PCDH15: variants seen among roughly 807,000 people sequenced by gnomAD.
The protein encoded by PCDH15 is protocadherin-15.
PCDH15 carries 129 observed loss-of-function variants against 178.5 expected under a neutral mutation model. That is an observed-to-expected ratio of 0.72 (90% CI 0.63 to 0.84). The LOEUF is 0.84. Among genes scored for constraint, PCDH15 ranks in the 40% least tolerant of loss-of-function variants. The probability of loss-of-function intolerance (pLI) is 0.00; values close to 1 mark genes in which losing one functional copy is unlikely to be tolerated. For missense variants in PCDH15, 2,230 were observed against 2,099.9 expected, an observed-to-expected ratio of 1.06 and a Z score of -1.21; for synonymous variants, 800 against 732.0, an observed-to-expected ratio of 1.09 and a Z score of -1.50.
At chr10:55,328,944 AT>A (rs1565015062) in intron 2 of PCDH15, among the ~76,000 whole-genome samples, 20 of 127,286 alleles carry the variant, frequency 1.6e-4, no homozygotes, top group South Asian at 2.5e-4. Flanking sequence ...ATATATATAT[AT>A]ATATAAAATA....
At chr10:54,603,304 TTTTA>T (rs1420359570) in intron 2 of PCDH15, among the ~76,000 whole-genome samples, 4 of 151,858 alleles carry the variant, frequency 2.6e-5, no homozygotes, top group Non-Finnish European at 5.9e-5. Flanking sequence ...GATGTGTCAG[TTTTA>T]TTTGTCTTTT....
chr10:54,290,821 G>T (rs1374835108), intron 8 of PCDH15, among the ~76,000 whole-genome samples: 4 of 152,300 alleles, frequency 2.6e-5, no homozygotes, highest in Non-Finnish European at 5.9e-5. Flanking sequence ...AATGGTTAAA[G>T]GGATCAATTC....
chr10:54,853,354 T>C (rs1292552085), intron 3 of PCDH15, among the ~76,000 whole-genome samples: 3 of 129,350 alleles, frequency 2.3e-5, no homozygotes, highest in Admixed American at 9.0e-5. Context: ...TACATATATA[T>C]ATACACACAC....
intron 2 of PCDH15, among the ~76,000 whole-genome samples, chr10:55,608,109 A>G (rs1483022915): frequency 1.3e-5 from 2 of 152,082 alleles, no homozygotes; most frequent in South Asian, 2.1e-4. Context: ...TGTAGAAGTA[A>G]TAATGGATTA....
chr10:54,725,864 T>C (rs1232885747), intron 1 of PCDH15, among the ~76,000 whole-genome samples: 1 of 149,950 alleles, frequency 6.7e-6, no homozygotes, highest in African/African-American at 2.5e-5. Flanking sequence ...TGCTGAATAA[T>C]TTCAAGTTGG....
Position 54,185,201 on chromosome 10 carries a change from C to T in PCDH15, c.1373G>A (p.Gly458Asp), listed in dbSNP as rs766969775. The change falls in exon 12 of 38, where the codon GGT (glycine) becomes GAT (aspartate). Residue 458 changes from glycine (G) to aspartate (D), a missense_variant. Transcript: ENST00000644397. ...YTSVFTVTQT[G>D]ITRYLTLLQP... ...AAGTAAGGTGAGGTAGCGAGTAATA[C>T]CAGTCTGTGTGACGGTGAAGACTGA... 1.9e-6 allele frequency: 3 copies of T among 1,613,520 alleles called. No homozygotes were observed. Among genetic ancestry groups the T allele is most frequent in the Admixed American group, 1.7e-5 (1 of 59,980 alleles).
chr10:55,469,696 G>T (rs911469567), intron 2 of PCDH15, among the ~76,000 whole-genome samples: 3 of 151,680 alleles, frequency 2.0e-5, no homozygotes, highest in Non-Finnish European at 4.4e-5. Flanking sequence ...TACTTAAGGG[G>T]TTTTCATTTA....
intron 2 of PCDH15, among the ~76,000 whole-genome samples, chr10:55,565,292 C>T (rs775848431): frequency 4.0e-5 from 6 of 151,292 alleles, no homozygotes; most frequent in South Asian, 4.2e-4. Context: ...ACAAGTATTT[C>T]GAAATAAATG....
chr10:54,449,938 G>A (rs942271658), intron 3 of PCDH15, among the ~76,000 whole-genome samples: 8 of 151,464 alleles, frequency 5.3e-5, no homozygotes, highest in Non-Finnish European at 1.2e-4. Flanking sequence ...GCCTCTTGCT[G>A]TTGACTTAAG....
chr10:55,096,583 A>G (rs1842454896), intron 2 of PCDH15, among the ~76,000 whole-genome samples: 1 of 152,134 alleles, frequency 6.6e-6, no homozygotes, highest in African/African-American at 2.4e-5. Flanking sequence ...TTAGGTCTCC[A>G]GAAATTGTTT....
intron 2 of PCDH15, among the ~76,000 whole-genome samples, chr10:55,152,019 G>A (rs373944707): frequency 1.3e-5 from 2 of 152,078 alleles, no homozygotes; most frequent in African/African-American, 4.8e-5. Context: ...AAGAGATGAG[G>A]GTAGATGTGG....
intron 8 of PCDH15, among the ~76,000 whole-genome samples, chr10:54,310,689 T>C (rs1049671237): frequency 2.0e-5 from 3 of 151,990 alleles, no homozygotes; most frequent in Non-Finnish European, 4.4e-5. Context: ...ATAATCCCTA[T>C]TTGAGGAAAA....
intron 3 of PCDH15, among the ~76,000 whole-genome samples, chr10:54,479,229 T>G (rs2078514756): frequency 6.6e-6 from 1 of 151,942 alleles, no homozygotes; most frequent in Admixed American, 6.6e-5. Flanking sequence ...TTTAGTGAAT[T>G]TACTAGTTTG....
chr10:54,248,314 AAGAT>A (rs2056185340), intron 8 of PCDH15, among the ~76,000 whole-genome samples: 1 of 152,058 alleles, frequency 6.6e-6, no homozygotes, highest in Non-Finnish European at 1.5e-5. Context: ...ACTTAAAAAT[AAGAT>A]AGTCTGCCAG....
At chr10:54,931,621 A>T (rs776825996) in intron 2 of PCDH15, among the ~76,000 whole-genome samples, 3 of 152,178 alleles carry the variant, frequency 2.0e-5, no homozygotes, top group Non-Finnish European at 2.9e-5. Context: ...TTCATCCTGA[A>T]CTTTAGGAAG....
chr10:55,322,306 T>A (rs1460222009), upstream of PCDH15, among the ~76,000 whole-genome samples: 1 of 152,160 alleles, frequency 6.6e-6, no homozygotes, highest in East Asian at 1.9e-4. Context: ...TTAAACCTCT[T>A]TCCTTTATAA....
chr10:54,049,823 A>T (rs1236592822), intron 18 of PCDH15, among the ~76,000 whole-genome samples: 1 of 151,808 alleles, frequency 6.6e-6, no homozygotes, highest in Non-Finnish European at 1.5e-5. Flanking sequence ...GTTTCACCAT[A>T]TTTACCAGGC....
chr10:55,246,641 A>T (rs1841686558), intron 1 of PCDH15, among the ~76,000 whole-genome samples: 1 of 152,194 alleles, frequency 6.6e-6, no homozygotes, highest in Non-Finnish European at 1.5e-5. Context: ...GCAACAAGGT[A>T]CGCAAGCCAC....
At chr10:54,748,492 C>G (rs1398338271) in intron 1 of PCDH15, among the ~76,000 whole-genome samples, 1 of 152,024 alleles carries the variant, frequency 6.6e-6, no homozygotes, top group Non-Finnish European at 1.5e-5. Flanking sequence ...TGAAAAAGCT[C>G]AGAGAGATAA....
Sources: allele counts gnomAD v4.1 joint callset (sites outside exome capture counted in the v4.1 genomes callset), GRCh38; gene constraint gnomAD v4.1.1; transcripts MANE v1.5; gene names NCBI Gene and HGNC (gene_info 2026-07-23, HGNC 2026-07-21).